The following MARCHF1 variants were observed in gnomAD, a reference collection of about 807,000 sequenced individuals.
The protein encoded by MARCHF1 is membrane associated ring-CH-type finger 1.
A neutral mutation model predicts 54.2 loss-of-function variants in MARCHF1; 40 were observed. That is an observed-to-expected ratio of 0.74 (90% CI 0.57 to 0.96). The LOEUF is 0.96. Among genes scored for constraint, MARCHF1 ranks in the 40% least tolerant of loss-of-function variants. MARCHF1 has a pLI of 0.00. For synonymous variants in MARCHF1, 236 were observed against 236.3 expected (o/e 1.00, Z 0.01); for missense variants, 586 against 656.5 (o/e 0.89, Z 1.17).
chr4:164,188,501 G>A (rs1188537491), intron 1 of MARCHF1: 8 of 685,272 alleles, frequency 1.2e-5, no homozygotes, highest in East Asian at 5.1e-5. Flanking sequence ...CTACTGCTGC[G>A]TCTGTGTGTT....
chr4:163,963,291 G>A (rs962111520), intron 3 of MARCHF1, among the ~76,000 whole-genome samples: 1 of 151,822 alleles, frequency 6.6e-6, no homozygotes. Context: ...ATTTTTCTCA[G>A]AGGTTTCTAG....
chr4:163,961,899 G>A (rs1317260804), intron 3 of MARCHF1, among the ~76,000 whole-genome samples: 1 of 151,860 alleles, frequency 6.6e-6, no homozygotes, highest in Non-Finnish European at 1.5e-5. Flanking sequence ...TTGTAGAAGA[G>A]TTTCACTGTG....
intron 1 of MARCHF1, among the ~76,000 whole-genome samples, chr4:164,373,741 C>T (rs1011067254): frequency 6.6e-6 from 1 of 152,164 alleles, no homozygotes; most frequent in Non-Finnish European, 1.5e-5. Flanking sequence ...TAAAAATATT[C>T]TGCCTCTAAA....
At chr4:164,259,101 A>G (rs1733375840) in intron 1 of MARCHF1, among the ~76,000 whole-genome samples, 1 of 152,214 alleles carries the variant, frequency 6.6e-6, no homozygotes, top group African/African-American at 2.4e-5. Context: ...AAGATTTAGC[A>G]GTAAACAATA....
In MARCHF1 at chr4:164,022,461, G is replaced by T. The variant is rs1426193552; in HGVS notation, c.-247-33752C>A. On this transcript the variant is annotated intron_variant, in intron 2 of 9. Coordinates refer to ENST00000514618, the MANE Select transcript of MARCHF1 (RefSeq NM_001394959.1). ...AAGAAAGCTGAAAACCACATGTGGG[G>T]TACACAAATGCTAGGGCTACCTGAA... 3.3e-5 allele frequency among the ~76,000 whole-genome samples: 5 copies of T among 152,298 alleles called. No homozygotes were observed. In the East Asian group the frequency reaches 5.8e-4, roughly 18 times the overall value.
chr4:163,933,199 T>C, intron 3 of MARCHF1: 1 of 737,290 alleles, frequency 1.4e-6, no homozygotes, highest in Non-Finnish European at 2.4e-6. Context: ...CCTAACACTA[T>C]GGACCTCAGA....
intron 3 of MARCHF1, among the ~76,000 whole-genome samples, chr4:163,928,230 T>C (rs1751580829): frequency 6.6e-6 from 1 of 151,934 alleles, no homozygotes; most frequent in Non-Finnish European, 1.5e-5. Context: ...ATTTACTTAG[T>C]ATTATCTATA....
intron 2 of MARCHF1, among the ~76,000 whole-genome samples, chr4:164,024,496 A>C (rs922058683): frequency 2.3e-4 from 35 of 152,328 alleles, no homozygotes; most frequent in African/African-American, 8.4e-4. Flanking sequence ...ACTAAGTTTC[A>C]TAAGTGAAGG....
At chr4:164,230,523 CT>C (rs869145033) in intron 1 of MARCHF1, among the ~76,000 whole-genome samples, 7 of 89,222 alleles carry the variant, frequency 7.8e-5, no homozygotes, top group African/African-American at 2.4e-4. Flanking sequence ...AATTATTTAC[CT>C]TTTCTTTGTG....
chr4:163,540,422 G>A (rs1363347885), intron 9 of MARCHF1, among the ~76,000 whole-genome samples: 1 of 151,988 alleles, frequency 6.6e-6, no homozygotes, highest in African/African-American at 2.4e-5. Context: ...GAGGGGAGCG[G>A]GTTTTCTTCT....
intron 2 of MARCHF1, among the ~76,000 whole-genome samples, chr4:164,071,563 AT>A (rs1754867921): frequency 6.6e-6 from 1 of 152,192 alleles, no homozygotes; most frequent in Admixed American, 6.5e-5. Context: ...TATAATACAT[AT>A]TTTTAAGTTA....
At chr4:164,313,976 C>A (rs1044370769) in intron 1 of MARCHF1, among the ~76,000 whole-genome samples, 1 of 152,224 alleles carries the variant, frequency 6.6e-6, no homozygotes, top group African/African-American at 2.4e-5. Context: ...CTCTTTTACT[C>A]CATTTCTATT....
chr4:163,931,969 T>A (rs750444991), intron 3 of MARCHF1, among the ~76,000 whole-genome samples: 37 of 152,212 alleles, frequency 2.4e-4, no homozygotes, highest in Non-Finnish European at 5.0e-4. Flanking sequence ...ATAAAGCTAA[T>A]ATTGCAATAA....
chr4:164,153,557 C>A (rs1729999613), intron 1 of MARCHF1, among the ~76,000 whole-genome samples: 1 of 151,944 alleles, frequency 6.6e-6, no homozygotes, highest in Admixed American at 6.6e-5. Flanking sequence ...ATGGGAAAAG[C>A]AATTTGGCCA....
intron 1 of MARCHF1, among the ~76,000 whole-genome samples, chr4:164,150,799 C>T (rs763561125): frequency 1.1e-4 from 16 of 152,188 alleles, no homozygotes; most frequent in Non-Finnish European, 2.2e-4. Flanking sequence ...AAGATGTTCA[C>T]GTACTAATGT....
chr4:163,893,364 C>G (rs1750705979), intron 3 of MARCHF1, among the ~76,000 whole-genome samples: 1 of 152,124 alleles, frequency 6.6e-6, no homozygotes, highest in South Asian at 2.1e-4. Flanking sequence ...GTCTCGAACT[C>G]CTGACCTTGA....
At chr4:163,860,190 T>C (rs946822045) in intron 3 of MARCHF1, among the ~76,000 whole-genome samples, 2 of 151,970 alleles carry the variant, frequency 1.3e-5, no homozygotes, top group Admixed American at 6.6e-5. Context: ...TGGAGAGAAG[T>C]TGATGGAGCC....
intron 4 of MARCHF1, among the ~76,000 whole-genome samples, chr4:163,848,596 A>C (rs1458465598): frequency 6.6e-6 from 1 of 152,084 alleles, no homozygotes; most frequent in Non-Finnish European, 1.5e-5. Context: ...TGATTCAGTA[A>C]ATTCCTTAAG....
intron 1 of MARCHF1, among the ~76,000 whole-genome samples, chr4:164,263,313 C>T (rs1378924663): frequency 6.6e-6 from 1 of 152,056 alleles, no homozygotes; most frequent in African/African-American, 2.4e-5. Flanking sequence ...AACTACAAAC[C>T]ATTTTTGATA....
Sources: allele counts gnomAD v4.1 joint callset (sites outside exome capture counted in the v4.1 genomes callset), GRCh38; gene constraint gnomAD v4.1.1; transcripts MANE v1.5; gene names NCBI Gene and HGNC (gene_info 2026-07-23, HGNC 2026-07-21).